Variants in EIF2S2 observed in about 807,000 individuals in gnomAD.
EIF2S2 encodes eukaryotic translation initiation factor 2 subunit beta.
A neutral mutation model predicts 44.0 loss-of-function variants in EIF2S2; 4 were observed. The ratio of observed to expected loss-of-function variants is 0.09; its 90% confidence interval spans 0.04 to 0.21. The LOEUF is 0.21. Among genes scored for constraint, EIF2S2 ranks in the 10% least tolerant of loss-of-function variants. EIF2S2 has a pLI of 1.00. For missense variants in EIF2S2, 154 were observed against 392.0 expected (o/e 0.39, Z 5.13); for synonymous variants, 108 against 128.3 (o/e 0.84, Z 1.07).
At position 34,089,620 on chromosome 20, in the gene EIF2S2, T is replaced by C. The variant is rs2034139349; in HGVS notation, c.*110A>G. ...CTTCAGACCAACCACTCGCCAAAAA[T>C]CTTGGCAGCTTTTTTATCTTGTTTT... is the stretch of plus-strand genomic sequence containing the variant. On this transcript the variant is annotated 3_prime_UTR_variant, in exon 9 of 9. Transcript: ENST00000374980. 1 of 1,291,894 alleles carries C rather than the reference T, an allele frequency of 7.7e-7. No homozygotes were observed. Among genetic ancestry groups the C allele is most frequent in the Admixed American group, 2.9e-5 (1 of 34,436 alleles). 80.0% of individuals were successfully genotyped at this position (1,291,894 alleles called of 1,614,324 possible).
At chr20:34,091,058 T>A (rs532304755) in intron 7 of EIF2S2, among the ~76,000 whole-genome samples, 1 of 152,260 alleles carries the variant, frequency 6.6e-6, no homozygotes, top group South Asian at 2.1e-4. Context: ...GCCTCAAAAT[T>A]TATTTTTAAT....
At chr20:34,093,595 A>G (rs2034193966) in intron 7 of EIF2S2, 80 bp downstream of exon 7, 2 of 1,234,096 alleles carry the variant, frequency 1.6e-6, no homozygotes, top group Non-Finnish European at 2.3e-6. Flanking sequence ...ATTTTCTCTA[A>G]GTGTGTTACA....
chr20:34,097,403 G>A lies in EIF2S2; in HGVS notation c.534+13C>T, dbSNP rs1298483049. On this transcript the variant is annotated intron_variant, in intron 5 of 8. Coordinates refer to ENST00000374980, the MANE Select transcript of EIF2S2 (RefSeq NM_003908.5). ...AATAGCTTAGCCCCTTTTCACAACA[G>A]ATTTTGTCTTACCTCCTCGTATGTG... 1 of 1,606,892 alleles carries A rather than the reference G, an allele frequency of 6.2e-7. No individual in the cohort carries two copies. The highest frequency in any genetic ancestry group is 8.5e-7 in the Non-Finnish European group (1 of 1,175,744).
At chr20:34,094,647 A>C (rs867144617) in intron 6 of EIF2S2, among the ~76,000 whole-genome samples, 10 of 152,128 alleles carry the variant, frequency 6.6e-5, no homozygotes, top group African/African-American at 2.4e-4. Flanking sequence ...CACCAACTAG[A>C]GGAGTGGTTA....
chr20:34,104,178 T>C (rs1315371656), intron 2 of EIF2S2, among the ~76,000 whole-genome samples: 1 of 152,216 alleles, frequency 6.6e-6, no homozygotes, highest in Non-Finnish European at 1.5e-5. Context: ...ACTCTCCAAC[T>C]TTAAATCTTC....
intron 4 of EIF2S2, among the ~76,000 whole-genome samples, chr20:34,097,748 A>T (rs930627978): frequency 6.6e-6 from 1 of 152,224 alleles, no homozygotes; most frequent in Non-Finnish European, 1.5e-5. Context: ...TTAGGAGTTG[A>T]TAACATACTG....
chr20:34,105,071 C>G (rs2034333139), intron 2 of EIF2S2, among the ~76,000 whole-genome samples: 1 of 152,102 alleles, frequency 6.6e-6, no homozygotes, highest in South Asian at 2.1e-4. Context: ...TTCTTTCTGC[C>G]CACACTCAAA....
chr20:34,095,661 T>C (rs1601531914), intron 6 of EIF2S2, among the ~76,000 whole-genome samples: 1 of 152,226 alleles, frequency 6.6e-6, no homozygotes, highest in Non-Finnish European at 1.5e-5. Context: ...CCATTTTCTT[T>C]AGCATGTCTT....
chr20:34,099,036 T>G (rs935186160), intron 3 of EIF2S2, among the ~76,000 whole-genome samples: 12 of 152,192 alleles, frequency 7.9e-5, no homozygotes, highest in African/African-American at 2.7e-4. Context: ...CTTAGGATCT[T>G]ATAATTATTG....
At chr20:34,099,709 G>A (rs1209114164) in intron 3 of EIF2S2, among the ~76,000 whole-genome samples, 1 of 152,120 alleles carries the variant, frequency 6.6e-6, no homozygotes, top group Non-Finnish European at 1.5e-5. Flanking sequence ...CTATAAACTC[G>A]GAAGTTCCCA....
At chr20:34,110,032 C>A (rs912851712) in intron 1 of EIF2S2, among the ~76,000 whole-genome samples, 1 of 136,988 alleles carries the variant, frequency 7.3e-6, no homozygotes, top group Non-Finnish European at 1.5e-5. Context: ...ACCCAGGAGG[C>A]GGTTGCGGTG....
At chr20:34,090,190 T>C (rs1237525587) in intron 8 of EIF2S2, among the ~76,000 whole-genome samples, 2 of 152,246 alleles carry the variant, frequency 1.3e-5, no homozygotes, top group Non-Finnish European at 2.9e-5. Context: ...CTCAAACATG[T>C]TGACAGACAT....
At chr20:34,098,849 T>C (rs888075322) in intron 3 of EIF2S2, among the ~76,000 whole-genome samples, 8 of 152,160 alleles carry the variant, frequency 5.3e-5, no homozygotes, top group Admixed American at 3.3e-4. Flanking sequence ...AAAAATGACG[T>C]GGGCTGACAT....
intron 2 of EIF2S2, among the ~76,000 whole-genome samples, chr20:34,104,273 G>A (rs543578967): frequency 2.0e-5 from 3 of 152,126 alleles, no homozygotes; most frequent in East Asian, 1.9e-4. Context: ...ATATACGTGC[G>A]GTCTCTCACC....
Position 34,101,650 on chromosome 20 carries a change from G to T in EIF2S2, c.297+1812C>A, listed in dbSNP as rs1459404593. Among the ~76,000 whole-genome samples the T allele has an allele frequency of 2.0e-5, 3 of 151,330 alleles. 1 individual carries two copies. Among genetic ancestry groups the T allele is most frequent in the Admixed American group, 6.6e-5 (1 of 15,180 alleles). ...TATTGACACCAAGACACAGCAGAAG[G>T]TGGAGAACAGCAAAAAGTATTTTTC... On this transcript the variant is annotated intron_variant, in intron 3 of 8. Transcript: ENST00000374980.
intron 3 of EIF2S2, among the ~76,000 whole-genome samples, chr20:34,099,640 C>T (rs1321752646): frequency 6.6e-6 from 1 of 152,206 alleles, no homozygotes; most frequent in East Asian, 1.9e-4. Flanking sequence ...ACTGCCTTCA[C>T]TTCAGATGCC....
rs2034141775 is a variant in EIF2S2, at chr20:34,089,751, C to T, written c.981G>A (p.Gln327=). ...CAAATTAGTTAGCTTTGGCACGGAG[C>T]TGTGCTCGCTTGCCCGTGACAGCCT... ...GFQAVTGKRA[Q]LRAKAN is the part of the protein sequence containing the mutation. The change falls in exon 9 of 9, where the codon CAG becomes CAA. Residue 327 remains glutamine, a synonymous_variant. Transcript: ENST00000374980. 3 of 1,611,956 alleles carry T rather than the reference C, an allele frequency of 1.9e-6. No individual in the cohort carries two copies. The highest frequency in any genetic ancestry group is 1.7e-6 in the Non-Finnish European group (2 of 1,179,610).
intron 8 of EIF2S2, among the ~76,000 whole-genome samples, chr20:34,090,146 T>C (rs1244028020): frequency 2.0e-5 from 3 of 152,228 alleles, no homozygotes; most frequent in Non-Finnish European, 2.9e-5. Context: ...GCCTGCCAGC[T>C]TGCTTATTCT....
Position 34,103,328 on chromosome 20 carries a change from G to A in EIF2S2, c.297+134C>T. 3 of 1,216,820 alleles carry A rather than the reference G, an allele frequency of 2.5e-6. No individual in the cohort carries two copies. In the South Asian group the frequency reaches 4.3e-5, roughly 18 times the overall value. 75.4% of individuals were successfully genotyped at this position (1,216,820 alleles called of 1,614,324 possible). ...TAGTCAGACACACTCCCAAGAAAAT[G>A]ACGCTACCAGTGGCAATTAAGTGCT... On this transcript the variant is annotated intron_variant, in intron 3 of 8. Coordinates refer to ENST00000374980, the MANE Select transcript of EIF2S2 (RefSeq NM_003908.5).
Sources: gnomAD v4.1 joint callset for allele counts (sites outside exome capture counted in the v4.1 genomes callset) on GRCh38, gnomAD v4.1.1 for gene constraint, MANE v1.5 for transcripts, NCBI Gene and HGNC (gene_info 2026-07-23, HGNC 2026-07-21) for gene names.